The following CUEDC1 variants were observed in gnomAD, a reference collection of about 807,000 sequenced individuals.
CUEDC1 encodes CUE domain containing 1.
CUEDC1 carries 30 observed loss-of-function variants against 43.7 expected under a neutral mutation model. The ratio of observed to expected loss-of-function variants is 0.69; its 90% CI spans 0.51 to 0.93. The LOEUF (loss-of-function observed/expected upper bound fraction) is 0.93, where lower values mean the gene tolerates loss of function less well. CUEDC1 is among the 40% of genes least tolerant of loss of function. The pLI, the probability that CUEDC1 is intolerant of heterozygous loss-of-function variation, is 0.00. For missense variants in CUEDC1, 486 were observed against 549.0 expected (o/e 0.89, Z 1.15); for synonymous variants, 223 against 223.6 (o/e 1.00, Z 0.02).
Position 57,873,580 on chromosome 17 carries a change from GC to G in CUEDC1, c.591+10del. On this transcript the variant is annotated intron_variant, in intron 4 of 10. Transcript: ENST00000577830. Reference sequence around the variant, plus strand: ...CAGGTGGGAGTGGAAGGCGGGGGCGGCCCCTGTTACCTGTATGCTGTCCAGC... The same window carrying G: ...CAGGTGGGAGTGGAAGGCGGGGGCGGCCCTGTTACCTGTATGCTGTCCAGC... 6.5e-7 allele frequency: 1 copy of G among 1,540,900 alleles called. No individual in the cohort carries two copies. The highest frequency in any genetic ancestry group is 8.8e-7 in the Non-Finnish European group (1 of 1,141,486).
intron 1 of CUEDC1, among the ~76,000 whole-genome samples, chr17:57,895,991 A>G (rs892364746): frequency 2.0e-5 from 3 of 152,254 alleles, no homozygotes; most frequent in South Asian, 2.1e-4. Flanking sequence ...AGCAGGAGAC[A>G]CCTCTGGGTC....
intron 1 of CUEDC1, among the ~76,000 whole-genome samples, chr17:57,946,241 T>C (rs1029021023): frequency 1.3e-5 from 2 of 152,214 alleles, no homozygotes; most frequent in Admixed American, 1.3e-4. Context: ...AAGCAAGCAG[T>C]CTTCAGAATC....
In CUEDC1 at chr17:57,885,639, C is replaced by A; in HGVS notation, c.-75G>T. 7.5e-7 allele frequency: 1 copy of A among 1,333,696 alleles called. No homozygotes were observed. Among genetic ancestry groups the A allele is most frequent in the Non-Finnish European group, 9.5e-7 (1 of 1,048,280 alleles). 82.6% of individuals were successfully genotyped at this position (1,333,696 alleles called of 1,614,324 possible). On this transcript the variant is annotated 5_prime_UTR_variant, in exon 2 of 11. Transcript: ENST00000577830. ...TCCCCAGGGTCTTTCCGCCGTCAGC[C>A]GCTTACTTGCCCTGCGGTCTCGGGC...
At chr17:57,872,084 G>A (rs979865984) in intron 5 of CUEDC1, among the ~76,000 whole-genome samples, 29 of 152,176 alleles carry the variant, frequency 1.9e-4, no homozygotes, top group Admixed American at 1.2e-3. Context: ...CGCTGTGGCC[G>A]TCACAGGGAC....
At chr17:57,915,831 G>A (rs748788203) in intron 1 of CUEDC1, among the ~76,000 whole-genome samples, 3 of 152,202 alleles carry the variant, frequency 2.0e-5, no homozygotes, top group African/African-American at 2.4e-5. Flanking sequence ...GGGGAGGAGG[G>A]GGCCTCAGGG....
intron 1 of CUEDC1, among the ~76,000 whole-genome samples, chr17:57,944,823 T>G (rs1364085573): frequency 1.3e-5 from 2 of 152,190 alleles, no homozygotes; most frequent in African/African-American, 4.8e-5. Flanking sequence ...GATTTCAATC[T>G]CTACAGAGCG....
At chr17:57,878,284 G>A (rs984059657) in intron 3 of CUEDC1, among the ~76,000 whole-genome samples, 8 of 152,110 alleles carry the variant, frequency 5.3e-5, no homozygotes, top group South Asian at 2.1e-4. Flanking sequence ...CAGTTTCCTC[G>A]TCCATAAATA....
rs1369448772 is a variant in CUEDC1, at chr17:57,884,199, T to C, written c.336+1030A>G. Among the ~76,000 whole-genome samples the C allele has an allele frequency of 4.2e-3, 581 of 139,916 alleles. 2 individuals are homozygous for C. Among genetic ancestry groups the C allele is most frequent in the East Asian group, 8.6e-3 (41 of 4,748 alleles). 91.8% of individuals were successfully genotyped at this position (139,916 alleles called of 152,430 possible). On this transcript the variant is annotated intron_variant, in intron 2 of 10. Coordinates refer to ENST00000577830, the MANE Select transcript of CUEDC1 (RefSeq NM_001271875.2). ...CCGCACTCTTTTTCTTTTCTTTTTT[T>C]TTTTTTTTTTTTTTTTGAGACGGAG...
intron 1 of CUEDC1, among the ~76,000 whole-genome samples, chr17:57,932,769 G>A (rs1193350636): frequency 6.6e-6 from 1 of 151,680 alleles, no homozygotes; most frequent in African/African-American, 2.4e-5. Flanking sequence ...GGCTGAGGCA[G>A]GAGAATTGCT....
chr17:57,903,266 A>T (rs2074493719), intron 1 of CUEDC1: 1 of 152,462 alleles, frequency 6.6e-6, no homozygotes, highest in African/African-American at 2.4e-5. Context: ...GCCAGGCTCC[A>T]CTGCCACCCA....
At chr17:57,934,262 C>T (rs2074838147) in intron 1 of CUEDC1, among the ~76,000 whole-genome samples, 1 of 152,028 alleles carries the variant, frequency 6.6e-6, no homozygotes, top group African/African-American at 2.4e-5. Flanking sequence ...CGTGGTGACA[C>T]GTGCCTATAG....
intron 3 of CUEDC1, 90 bp from the exon 4 acceptor site, chr17:57,873,807 G>T (rs1268009176): frequency 7.4e-7 from 1 of 1,344,758 alleles, no homozygotes; most frequent in Non-Finnish European, 9.8e-7. Context: ...CAGGCAGGTC[G>T]GATCCTGCTC....
At chr17:57,871,976 C>G (rs2074040525) in intron 5 of CUEDC1, among the ~76,000 whole-genome samples, 1 of 152,204 alleles carries the variant, frequency 6.6e-6, no homozygotes, top group Non-Finnish European at 1.5e-5. Flanking sequence ...ACCTTTGCTG[C>G]AGAGCTGGGG....
intron 1 of CUEDC1, among the ~76,000 whole-genome samples, chr17:57,895,947 C>T (rs2074403343): frequency 6.6e-6 from 1 of 152,212 alleles, no homozygotes; most frequent in African/African-American, 2.4e-5. Flanking sequence ...GCTGAAGGCC[C>T]CCCCAGTAGG....
In CUEDC1 at chr17:57,861,836, G is replaced by A. The variant is rs1319589336; in HGVS notation, c.*1453C>T. On this transcript the variant is annotated 3_prime_UTR_variant, in exon 11 of 11. Transcript: ENST00000577830. ...CCCTCCCTCCAGGGCCCCAGGCCTGGCGCGGGGAGCAGCGGAGGGGGCGAC... is the reference window on the plus strand; with the variant it reads ...CCCTCCCTCCAGGGCCCCAGGCCTGACGCGGGGAGCAGCGGAGGGGGCGAC... The A allele has an allele frequency of 7.0e-6, 1 of 142,162 alleles. No individual in the cohort carries two copies. The highest frequency in any genetic ancestry group is 1.5e-5 in the Non-Finnish European group (1 of 67,668). 8.8% of individuals were successfully genotyped at this position (142,162 alleles called of 1,614,324 possible). A position where few individuals can be genotyped will look rare whatever the true frequency, so the allele number is the denominator to read the frequency against.
At chr17:57,929,602 G>A (rs1345117002) in intron 1 of CUEDC1, among the ~76,000 whole-genome samples, 1 of 152,132 alleles carries the variant, frequency 6.6e-6, no homozygotes, top group African/African-American at 2.4e-5. Context: ...TCTCAGACTG[G>A]CTCAGACTGG....
At chr17:57,907,655 G>A (rs1308281629) in intron 1 of CUEDC1, among the ~76,000 whole-genome samples, 1 of 152,018 alleles carries the variant, frequency 6.6e-6, no homozygotes, top group East Asian at 1.9e-4. Context: ...ATACCAGCTT[G>A]GCCAACATGG....
At chr17:57,883,522 G>A (rs993403756) in intron 2 of CUEDC1, among the ~76,000 whole-genome samples, 3 of 152,100 alleles carry the variant, frequency 2.0e-5, no homozygotes, top group Non-Finnish European at 4.4e-5. Context: ...TCAGGAGTTC[G>A]AGACCAGCCT....
chr17:57,937,695 T>C (rs561981891), intron 1 of CUEDC1, among the ~76,000 whole-genome samples: 8 of 151,196 alleles, frequency 5.3e-5, no homozygotes, highest in Middle Eastern at 3.4e-3. Context: ...CTTTAGGAGA[T>C]TGGTAGGATC....
Sources: allele counts gnomAD v4.1 joint callset (sites outside exome capture counted in the v4.1 genomes callset), GRCh38; gene constraint gnomAD v4.1.1; transcripts MANE v1.5; gene names NCBI Gene and HGNC (gene_info 2026-07-23, HGNC 2026-07-21).